The following DDX17 variants were observed in gnomAD, a reference collection of about 807,000 sequenced individuals.
DDX17 encodes probable ATP-dependent RNA helicase DDX17.
DDX17 carries 10 observed loss-of-function variants against 80.8 expected under a neutral mutation model. The observed-to-expected ratio is 0.12, with a 90% CI of 0.08 to 0.21. DDX17 has a LOEUF of 0.21. DDX17 is among the 10% of genes least tolerant of loss of function. The pLI is 1.00. For missense variants in DDX17, 586 were observed against 957.4 expected, an observed-to-expected ratio of 0.61 and a Z score of 5.12; for synonymous variants, 339 against 336.2, an observed-to-expected ratio of 1.01 and a Z score of -0.09.
At chr22:38,498,407 C>G (rs2089791557) in intron 4 of DDX17, 33 bp downstream of exon 4, 14 of 1,611,952 alleles carry the variant, frequency 8.7e-6, no homozygotes, top group African/African-American at 1.3e-5. Context: ...TAAGTTACCA[C>G]AATATCAAGG....
Position 38,489,114 on chromosome 22 carries a change from T to G in DDX17, c.1448-999A>C, listed in dbSNP as rs900817418. The G allele has an allele frequency of 8.1e-6, 8 of 984,332 alleles. No individual in the cohort carries two copies. The South Asian group carries it at 2.4e-4, about 29-fold the overall frequency. The allele number at this position is 984,332 out of a possible 1,614,324, so 61.0% of individuals were successfully genotyped here. On this transcript the variant is annotated intron_variant, in intron 11 of 12. Transcript: ENST00000403230. This position sits in a 1 kb window ranked among gnomAD's most constrained non-coding sequence, Gnocchi z 4.6. The stretch of plus-strand genomic sequence containing the variant: ...TTAAGAATATAACAAAGAATCCTAC[T>G]GTTTTGTGGAAAAAAATCTGCATTT...
rs1298209435 is a variant in DDX17 at position 38,490,533 on chromosome 22, AG to A, written c.1447+1522del. 3 of 1,043,750 alleles carry A rather than the reference AG, an allele frequency of 2.9e-6. No homozygotes were observed. In the African/African-American group the frequency reaches 5.0e-5, roughly 17 times the overall value. 64.7% of individuals were successfully genotyped at this position (1,043,750 alleles called of 1,614,324 possible). A position where few individuals can be genotyped will look rare whatever the true frequency, so the allele number is the denominator to read the frequency against. On this transcript the variant is annotated intron_variant, in intron 11 of 12. Transcript: ENST00000403230. ...AAAAATAAAAAATATCCCAGTGGAA[AG>A]GGAAGTGGTAGCCTAAGGATGACTA...
Position 38,493,727 on chromosome 22 carries a change from CT to C in DDX17, c.1369del (p.Arg457GlufsTer21). On this transcript the variant is annotated frameshift_variant, in exon 10 of 13. Coordinates refer to ENST00000403230, the MANE Select transcript of DDX17 (RefSeq NM_006386.5). LOFTEE classifies it high-confidence loss of function. ...AAACTTACCATTAAGTACCCAATCTCTTTCTGGTTGACTCTTGTCTCCATGG... is the reference window on the plus strand; with the variant it reads ...AAACTTACCATTAAGTACCCAATCTCTTCTGGTTGACTCTTGTCTCCATGG... 1 of 1,613,442 alleles carries C rather than the reference CT, an allele frequency of 6.2e-7. No homozygotes were observed.
In DDX17 at chr22:38,484,467, C is replaced by T. The variant is rs1396449917; in HGVS notation, c.*1468G>A. On this transcript the variant is annotated 3_prime_UTR_variant, in exon 13 of 13. Transcript: ENST00000403230. ...AGTATAGATCTTACAGATGAGCAAG[C>T]ATTCAGGCCTTAGCCAAAGAATGCA... The T allele has an allele frequency of 1.3e-5, 2 of 152,188 alleles. No individual in the cohort carries two copies. Among genetic ancestry groups the T allele is most frequent in the Non-Finnish European group, 2.9e-5 (2 of 68,036 alleles). 9.4% of individuals were successfully genotyped at this position (152,188 alleles called of 1,614,324 possible). A position where few individuals can be genotyped will look rare whatever the true frequency, so the allele number is the denominator to read the frequency against.
At chr22:38,504,987 C>T (rs1056810224) in intron 1 of DDX17, among the ~76,000 whole-genome samples, 3 of 152,338 alleles carry the variant, frequency 2.0e-5, no homozygotes, top group South Asian at 4.1e-4. Flanking sequence ...CGGCTCACTG[C>T]AACCTCCTCC....
At chr22:38,501,345 G>A in intron 1 of DDX17, 65 bp from the exon 2 acceptor site, 3 of 1,520,008 alleles carry the variant, frequency 2.0e-6, no homozygotes, top group Non-Finnish European at 2.6e-6. Flanking sequence ...CATGCCATAA[G>A]AATATTCAAA....
At chr22:38,494,841 C>G in intron 7 of DDX17, 39 bp from the exon 8 acceptor site, 2 of 1,613,892 alleles carry the variant, frequency 1.2e-6, no homozygotes, top group Non-Finnish European at 1.7e-6. Flanking sequence ...GGCTAAGGAA[C>G]TTGGACAAAT....
chr22:38,505,528 A>G (rs2089871814), intron 1 of DDX17: 1 of 172,816 alleles, frequency 5.8e-6, no homozygotes, highest in African/African-American at 2.4e-5. Context: ...TCCTGGGCTG[A>G]AGTGTTCTCT....
chr22:38,496,947 C>T lies in DDX17; in HGVS notation c.739-1010G>A, dbSNP rs2089773983. ...CTGCATTATTTCTTTTTGTGAATATCTTGAGACATATTGTACATGTTCATA... is the reference window on the plus strand; with the variant it reads ...CTGCATTATTTCTTTTTGTGAATATTTTGAGACATATTGTACATGTTCATA... On this transcript the variant is annotated intron_variant, in intron 5 of 12. Coordinates refer to ENST00000403230, the MANE Select transcript of DDX17 (RefSeq NM_006386.5). Among the ~76,000 whole-genome samples the T allele has an allele frequency of 1.3e-5, 2 of 152,034 alleles. 1 individual carries two copies. Among genetic ancestry groups the T allele is most frequent in the South Asian group, 4.1e-4 (2 of 4,836 alleles).
Position 38,489,129 on chromosome 22 carries a change from A to G in DDX17, c.1448-1014T>C. On this transcript the variant is annotated intron_variant, in intron 11 of 12. Transcript: ENST00000403230. The surrounding 1 kb of genome is among the most constrained non-coding windows in gnomAD (Gnocchi z 4.6). ...AGAATCCTACTGTTTTGTGGAAAAA[A>G]ATCTGCATTTTACAAAGAATATTCA... The G allele has an allele frequency of 1.0e-6, 1 of 984,826 alleles. No individual in the cohort carries two copies. The highest frequency in any genetic ancestry group is 1.2e-6 in the Non-Finnish European group (1 of 829,354). 61.0% of individuals were successfully genotyped at this position (984,826 alleles called of 1,614,324 possible). A position where few individuals can be genotyped will look rare whatever the true frequency, so the allele number is the denominator to read the frequency against.
chr22:38,489,243 C>T lies in DDX17; in HGVS notation c.1448-1128G>A, dbSNP rs1421049845. The T allele has an allele frequency of 1.0e-6, 1 of 985,868 alleles. No individual in the cohort carries two copies. The highest frequency in any genetic ancestry group is 1.2e-6 in the Non-Finnish European group (1 of 829,926). The allele number at this position is 985,868 out of a possible 1,614,324, so 61.1% of individuals were successfully genotyped here. ...GTTACCAGACCGATGCACACTCCCT[C>T]CTCCTTTGGGAAACCGCTGCAGCCG... is the stretch of plus-strand genomic sequence containing the variant. On this transcript the variant is annotated intron_variant, in intron 11 of 12. Transcript: ENST00000403230. The surrounding 1 kb of genome is among the most constrained non-coding windows in gnomAD (Gnocchi z 4.6).
intron 2 of DDX17, 85 bp downstream of exon 2, chr22:38,501,045 G>C (rs1045316618): frequency 6.9e-7 from 1 of 1,456,380 alleles, no homozygotes; most frequent in South Asian, 1.4e-5. Flanking sequence ...AATGTAAAAC[G>C]GCAACAGTAG....
rs759862816 is a variant in DDX17, at chr22:38,490,425, A to T, written c.1447+1631T>A. On this transcript the variant is annotated intron_variant, in intron 11 of 12. Coordinates refer to ENST00000403230, the MANE Select transcript of DDX17 (RefSeq NM_006386.5). Reference sequence around the variant, plus strand: ...CCATGTATTGAGTGATCTGCAGCTGATATCAAAGCTTCTGTTAAAAAACAA... The same window carrying T: ...CCATGTATTGAGTGATCTGCAGCTGTTATCAAAGCTTCTGTTAAAAAACAA... The T allele has an allele frequency of 9.8e-5, 127 of 1,289,414 alleles. No individual in the cohort carries two copies. The South Asian group carries it at 1.3e-3, about 13-fold the overall frequency. 79.9% of individuals were successfully genotyped at this position (1,289,414 alleles called of 1,614,324 possible). A position where few individuals can be genotyped will look rare whatever the true frequency, so the allele number is the denominator to read the frequency against.
intron 8 of DDX17, 114 bp from the exon 9 acceptor site, chr22:38,494,245 A>G: frequency 2.7e-6 from 2 of 727,518 alleles, no homozygotes; most frequent in Non-Finnish European, 2.3e-6. Flanking sequence ...TACGCTTTTA[A>G]AATTTTTAAT....
At chr22:38,490,122 G>A (rs2089698602) in intron 11 of DDX17, 1 of 1,152,460 alleles carries the variant, frequency 8.7e-7, no homozygotes, top group Non-Finnish European at 1.1e-6. Context: ...GCTGGATGGG[G>A]GCACACAGGA....
intron 1 of DDX17, chr22:38,505,742 G>A (rs1367258853): frequency 1.2e-5 from 7 of 588,964 alleles, no homozygotes; most frequent in Admixed American, 7.3e-5. Flanking sequence ...GCACGGAGAG[G>A]CCCAGCGTCG....
chr22:38,493,550 T>G (rs1343017332), intron 10 of DDX17, 160 bp downstream of exon 10: 1 of 627,004 alleles, frequency 1.6e-6, no homozygotes, highest in Non-Finnish European at 2.9e-6. Context: ...ACAGCAGTGC[T>G]GAGTGGCTAT....
intron 12 of DDX17, among the ~76,000 whole-genome samples, 185 bp downstream of exon 12, chr22:38,487,694 T>C (rs1187044567): frequency 6.6e-6 from 1 of 152,130 alleles, no homozygotes; most frequent in African/African-American, 2.4e-5. Flanking sequence ...GCTTAACTAA[T>C]AGGACTATCA....
At chr22:38,488,661 ATTAACAT>A in intron 11 of DDX17, 1 of 987,064 alleles carries the variant, frequency 1.0e-6, no homozygotes, top group Non-Finnish European at 1.2e-6. Context: ...AAATGTTTTG[ATTAACAT>A]TTAACTTTTT....
Sources: gnomAD v4.1 joint callset for allele counts (sites outside exome capture counted in the v4.1 genomes callset) on GRCh38, gnomAD v4.1.1 for gene constraint, Gnocchi (gnomAD v3.1) non-coding constraint, MANE v1.5 for transcripts, NCBI Gene and HGNC (gene_info 2026-07-23, HGNC 2026-07-21) for gene names.